LHFPL6: variants seen among roughly 807,000 people sequenced by gnomAD.
The protein encoded by LHFPL6 is LHFPL tetraspan subfamily member 6 protein.
A neutral mutation model predicts 20.6 loss-of-function variants in LHFPL6; 9 were observed. The ratio of observed to expected loss-of-function variants is 0.44; its 90% confidence interval spans 0.26 to 0.76. The LOEUF (loss-of-function observed/expected upper bound fraction) is 0.76, where lower values mean the gene tolerates loss of function less well. Among genes scored for constraint, LHFPL6 ranks in the 30% least tolerant of loss-of-function variants. The pLI is 0.20. For synonymous variants in LHFPL6, 105 were observed against 98.7 expected (o/e 1.06, Z -0.38); for missense variants, 218 against 253.5 (o/e 0.86, Z 0.95).
intron 2 of LHFPL6, among the ~76,000 whole-genome samples, chr13:39,539,949 G>A (rs1189970598): frequency 6.6e-6 from 1 of 152,142 alleles, no homozygotes; most frequent in Non-Finnish European, 1.5e-5. Context: ...GGCATATCAT[G>A]AAACCCAAAC....
chr13:39,590,716 T>A (rs1255876573), intron 2 of LHFPL6, among the ~76,000 whole-genome samples: 1 of 152,266 alleles, frequency 6.6e-6, no homozygotes, highest in African/African-American at 2.4e-5. Flanking sequence ...TATGTAAGTA[T>A]GATATGATAC....
chr13:39,476,488 T>C (rs1316152732), intron 2 of LHFPL6, among the ~76,000 whole-genome samples: 1 of 152,244 alleles, frequency 6.6e-6, no homozygotes, highest in East Asian at 1.9e-4. Flanking sequence ...AATTATTTGG[T>C]CCTTGGCATA....
chr13:39,458,532 A>G (rs1473856588), intron 2 of LHFPL6, among the ~76,000 whole-genome samples: 1 of 152,056 alleles, frequency 6.6e-6, no homozygotes, highest in Non-Finnish European at 1.5e-5. Flanking sequence ...CTCCTTCTCT[A>G]CAAAAAATAC....
chr13:39,560,502 CTCT>C lies in LHFPL6; in HGVS notation c.385+40327_385+40329del, dbSNP rs1211758912. Among the ~76,000 whole-genome samples the C allele has an allele frequency of 1.4e-3, 131 of 93,290 alleles. 1 individual carries two copies. Among genetic ancestry groups the C allele is most frequent in the Admixed American group, 0.013 (117 of 8,798 alleles). 61.2% of individuals were successfully genotyped at this position (93,290 alleles called of 152,430 possible). Reference sequence around the variant, plus strand: ...CAATCTCCTTTGGGTTATGCAAATTCTCTTTTTTTTTTTTTTTTTTTTCTTTTT... The same window carrying C: ...CAATCTCCTTTGGGTTATGCAAATTCTTTTTTTTTTTTTTTTTTTCTTTTT... On this transcript the variant is annotated intron_variant, in intron 2 of 3. Transcript: ENST00000379589.
intron 2 of LHFPL6, among the ~76,000 whole-genome samples, chr13:39,573,501 G>C (rs1872001758): frequency 6.6e-6 from 1 of 152,130 alleles, no homozygotes; most frequent in Non-Finnish European, 1.5e-5. Context: ...ATTTATGAAT[G>C]CATATCTCCA....
intron 2 of LHFPL6, among the ~76,000 whole-genome samples, chr13:39,591,606 G>C (rs1262981382): frequency 6.6e-6 from 1 of 152,124 alleles, no homozygotes; most frequent in Non-Finnish European, 1.5e-5. Flanking sequence ...TGAGGTTTTA[G>C]GCAAATAAAA....
intron 2 of LHFPL6, among the ~76,000 whole-genome samples, chr13:39,510,685 A>C (rs1003924692): frequency 3.3e-5 from 5 of 152,186 alleles, no homozygotes; most frequent in African/African-American, 1.2e-4. Flanking sequence ...GTAGAAAGTC[A>C]GGAGTTACAG....
chr13:39,431,420 G>T (rs1274533431), intron 2 of LHFPL6, among the ~76,000 whole-genome samples: 1 of 152,136 alleles, frequency 6.6e-6, no homozygotes, highest in Non-Finnish European at 1.5e-5. Flanking sequence ...GCGAGACCAA[G>T]AACCCACTGG....
At chr13:39,356,623 G>T (rs1056025434) in intron 3 of LHFPL6, among the ~76,000 whole-genome samples, 1 of 152,178 alleles carries the variant, frequency 6.6e-6, no homozygotes, top group African/African-American at 2.4e-5. Flanking sequence ...CTGCTAGCTA[G>T]ATTAACAAAG....
chr13:39,521,373 A>T (rs568731367), intron 2 of LHFPL6, among the ~76,000 whole-genome samples: 5 of 152,182 alleles, frequency 3.3e-5, no homozygotes, highest in Non-Finnish European at 7.3e-5. Flanking sequence ...ATATATAACC[A>T]AGTTCTACTG....
intron 2 of LHFPL6, among the ~76,000 whole-genome samples, chr13:39,598,354 T>C (rs962975045): frequency 1.3e-5 from 2 of 152,146 alleles, no homozygotes; most frequent in African/African-American, 4.8e-5. Flanking sequence ...TTTAAAACTT[T>C]TTCCATATTT....
At chr13:39,447,661 C>T (rs1225636144) in intron 2 of LHFPL6, among the ~76,000 whole-genome samples, 1 of 152,182 alleles carries the variant, frequency 6.6e-6, no homozygotes, top group Non-Finnish European at 1.5e-5. Context: ...ACCCAGGGCT[C>T]AGTCTTACCC....
At chr13:39,445,082 T>C (rs550237922) in intron 2 of LHFPL6, among the ~76,000 whole-genome samples, 15 of 152,358 alleles carry the variant, frequency 9.8e-5, no homozygotes, top group African/African-American at 2.4e-4. Flanking sequence ...CTTGTGCACA[T>C]TGTCACCATG....
At chr13:39,434,220 A>G (rs1245337924) in intron 2 of LHFPL6, among the ~76,000 whole-genome samples, 1 of 152,232 alleles carries the variant, frequency 6.6e-6, no homozygotes, top group Non-Finnish European at 1.5e-5. Context: ...GTTGGGTACT[A>G]TATCAGGCAC....
At chr13:39,449,066 C>A (rs1660512837) in intron 2 of LHFPL6, among the ~76,000 whole-genome samples, 1 of 152,306 alleles carries the variant, frequency 6.6e-6, no homozygotes, top group Non-Finnish European at 1.5e-5. Context: ...TTTAATAGGG[C>A]AAGGGAGGTG....
At chr13:39,443,956 G>T (rs775708065) in intron 2 of LHFPL6, among the ~76,000 whole-genome samples, 1 of 151,712 alleles carries the variant, frequency 6.6e-6, no homozygotes, top group Non-Finnish European at 1.5e-5. Context: ...CAGTAGGTTT[G>T]ATGTGTTAAA....
intron 2 of LHFPL6, among the ~76,000 whole-genome samples, chr13:39,439,215 G>C (rs1872049936): frequency 6.6e-6 from 1 of 152,246 alleles, no homozygotes; most frequent in Non-Finnish European, 1.5e-5. Context: ...GAGACATGCA[G>C]TCAAAGGAGA....
intron 2 of LHFPL6, among the ~76,000 whole-genome samples, chr13:39,541,398 A>AG (rs773213886): frequency 4.6e-5 from 7 of 152,178 alleles, no homozygotes; most frequent in Non-Finnish European, 8.8e-5. Flanking sequence ...AGCTCTCCAC[A>AG]GGCCCTCCCC....
intron 2 of LHFPL6, among the ~76,000 whole-genome samples, chr13:39,597,636 T>C (rs1872809414): frequency 6.6e-6 from 1 of 152,214 alleles, no homozygotes. Flanking sequence ...TCTTTAAAGT[T>C]AGACATAAAC....
Sources: gnomAD v4.1 joint callset for allele counts (sites outside exome capture counted in the v4.1 genomes callset) on GRCh38, gnomAD v4.1.1 for gene constraint, MANE v1.5 for transcripts, NCBI Gene and HGNC (gene_info 2026-07-23, HGNC 2026-07-21) for gene names.